SCN9A: variants seen among roughly 807,000 people sequenced by gnomAD.
The protein encoded by SCN9A is sodium voltage-gated channel alpha subunit 9, also known as sodium channel protein type 9 subunit alpha.
Under a neutral mutation model 187.0 loss-of-function variants are expected in SCN9A, and 131 were observed. The ratio of observed to expected loss-of-function variants is 0.70; its 90% CI spans 0.61 to 0.81. The LOEUF is 0.81. SCN9A is among the 30% of genes least tolerant of loss of function. SCN9A has a pLI of 0.00. For missense variants in SCN9A, 2,252 were observed against 2,396.6 expected (o/e 0.94, Z 1.26); for synonymous variants, 809 against 808.6 (o/e 1.00, Z -0.01).
At chr2:166,240,977 A>T (rs80058603) in intron 19 of SCN9A, among the ~76,000 whole-genome samples, 4,853 of 152,220 alleles carry the variant, frequency 0.032, 270 homozygotes, top group African/African-American at 0.11. Context: ...TAATGCCCCC[A>T]TGAGACCTGG....
At chr2:166,369,406 C>T (rs1700496804) in intron 1 of SCN9A, among the ~76,000 whole-genome samples, 2 of 152,150 alleles carry the variant, frequency 1.3e-5, no homozygotes, top group Admixed American at 1.3e-4. Context: ...TTGAAAGGCA[C>T]TTCTCTGCCT....
intron 24 of SCN9A, among the ~76,000 whole-genome samples, chr2:166,205,516 A>G (rs1439035783): frequency 6.6e-6 from 1 of 152,216 alleles, no homozygotes; most frequent in African/African-American, 2.4e-5. Flanking sequence ...TTAACTCAAG[A>G]TGGATTAAAG....
rs568157505 is a variant in SCN9A at position 166,236,045 on chromosome 2, C to G, written c.3801+2049G>C. Among the ~76,000 whole-genome samples, 5 of 151,886 alleles carry G rather than the reference C, an allele frequency of 3.3e-5. No homozygotes were observed. In the South Asian group the frequency reaches 1.0e-3, roughly 32 times the overall value. On this transcript the variant is annotated intron_variant, in intron 20 of 26. Transcript: ENST00000642356. ...TAATATTTTAAAGATTTTAAAATAT[C>G]TAAAATATTGTATAATTTTTTAAGA...
chr2:166,246,943 C>T (rs1487498079), intron 18 of SCN9A, among the ~76,000 whole-genome samples: 1 of 151,624 alleles, frequency 6.6e-6, no homozygotes, highest in Non-Finnish European at 1.5e-5. Context: ...AAGGTATATC[C>T]CAAGAGATTT....
intron 18 of SCN9A, among the ~76,000 whole-genome samples, chr2:166,248,469 C>A (rs567226124): frequency 6.6e-6 from 1 of 152,232 alleles, no homozygotes; most frequent in South Asian, 2.1e-4. Flanking sequence ...AGTCTAAGCT[C>A]CCATCACCTC....
chr2:166,356,229 AT>A (rs952947010), intron 1 of SCN9A, among the ~76,000 whole-genome samples: 10 of 151,884 alleles, frequency 6.6e-5, no homozygotes, highest in Non-Finnish European at 1.3e-4. Context: ...ACATTTTTTT[AT>A]TTAGATTTTT....
intron 24 of SCN9A, among the ~76,000 whole-genome samples, chr2:166,216,822 A>G (rs1694349289): frequency 6.6e-6 from 1 of 152,054 alleles, no homozygotes; most frequent in Non-Finnish European, 1.5e-5. Flanking sequence ...AAAATAATCT[A>G]CAGATTCAAT....
intron 1 of SCN9A, among the ~76,000 whole-genome samples, chr2:166,352,059 A>G (rs1203861369): frequency 1.3e-5 from 2 of 152,162 alleles, no homozygotes; most frequent in African/African-American, 4.8e-5. Context: ...TACAATGTTA[A>G]AATAGTACTT....
At position 166,198,706 on chromosome 2, in the gene SCN9A, TCTTC is replaced by T. The variant is rs1484172939; in HGVS notation, c.5929_5932del (p.Glu1977ThrfsTer30). Reference sequence around the variant, plus strand: ...GCTTTCCTTGCTGTCTTTCCCTTTGTCTTCCTTTTCTGTTCTGTCTTGTTCATAT... The same window carrying T: ...GCTTTCCTTGCTGTCTTTCCCTTTGTCTTTTCTGTTCTGTCTTGTTCATAT... On this transcript the variant is annotated frameshift_variant, in exon 27 of 27. Coordinates refer to ENST00000642356, the MANE Select transcript of SCN9A (RefSeq NM_001365536.1). LOFTEE classifies it high-confidence loss of function. 6.2e-7 allele frequency: 1 copy of T among 1,607,126 alleles called. No homozygotes were observed. The highest frequency in any genetic ancestry group is 1.7e-5 in the Admixed American group (1 of 58,962).
chr2:166,374,840 T>A (rs570379112), intron 1 of SCN9A, among the ~76,000 whole-genome samples: 15 of 152,206 alleles, frequency 9.9e-5, no homozygotes, highest in African/African-American at 3.6e-4. Flanking sequence ...TGACACTAGC[T>A]TCTTAAAAAC....
intron 24 of SCN9A, among the ~76,000 whole-genome samples, chr2:166,209,043 G>C (rs1437588592): frequency 2.0e-5 from 3 of 152,190 alleles, no homozygotes; most frequent in Non-Finnish European, 2.9e-5. Context: ...GAACCAGTAT[G>C]ATTAGAACAA....
At chr2:166,264,546 G>A (rs1157840478) in intron 17 of SCN9A, among the ~76,000 whole-genome samples, 3 of 151,910 alleles carry the variant, frequency 2.0e-5, no homozygotes, top group Non-Finnish European at 4.4e-5. Flanking sequence ...TGACTAAACC[G>A]TTTGTTTTAA....
chr2:166,350,278 C>A (rs1700003952), intron 1 of SCN9A, among the ~76,000 whole-genome samples: 1 of 152,142 alleles, frequency 6.6e-6, no homozygotes, highest in Admixed American at 6.5e-5. Flanking sequence ...TGGGGATGCC[C>A]CTCCAGGAAT....
chr2:166,245,069 C>A (rs1251617635), intron 18 of SCN9A, among the ~76,000 whole-genome samples: 3 of 151,992 alleles, frequency 2.0e-5, no homozygotes, highest in African/African-American at 7.2e-5. Flanking sequence ...AAAGTTCTGA[C>A]ATATAGCTTC....
chr2:166,321,950 G>T (rs965760528), intron 1 of SCN9A, among the ~76,000 whole-genome samples: 3 of 151,948 alleles, frequency 2.0e-5, no homozygotes, highest in Non-Finnish European at 4.4e-5. Flanking sequence ...CAAGCAATAA[G>T]CAAGAAGAAG....
chr2:166,230,318 GAA>G (rs959623225), intron 21 of SCN9A, among the ~76,000 whole-genome samples: 1 of 152,092 alleles, frequency 6.6e-6, no homozygotes, highest in Non-Finnish European at 1.5e-5. Context: ...TGTCTTTCCG[GAA>G]AGACAATTCT....
intron 1 of SCN9A, among the ~76,000 whole-genome samples, chr2:166,364,969 G>T (rs1378659634): frequency 6.6e-6 from 1 of 152,022 alleles, no homozygotes; most frequent in African/African-American, 2.4e-5. Context: ...TGTCTCCTTG[G>T]TATCTGTTTT....
In SCN9A at chr2:166,251,765, C is replaced by T. The variant is rs1161874665; in HGVS notation, c.3472G>A (p.Gly1158Ser). The change falls in exon 18 of 27, where the codon GGT becomes AGT. Residue 1158 changes from glycine to serine, a missense_variant and splice_region_variant. Gly to Ser is a moderately conservative substitution (Grantham distance 56, BLOSUM62 0). Around this residue, in one of 7 missense-constraint regions of SCN9A, gnomAD observed 313 missense variants for 295.3 expected, o/e 1.06. Transcript: ENST00000642356. ...SDEPEACFTD[G>S]CVWRFSCCQV... ...ACCAAGGTCTCAATTTTTGTCTTAC[C>T]ATCTGTGAAACAGGCCTCTGGCTCA... is the stretch of plus-strand genomic sequence containing the variant. 1.2e-6 allele frequency: 2 copies of T among 1,612,400 alleles called. No individual in the cohort carries two copies. The highest frequency in any genetic ancestry group is 1.7e-6 in the Non-Finnish European group (2 of 1,178,914).
intron 13 of SCN9A, 57 bp downstream of exon 13, chr2:166,281,622 C>A: frequency 2.0e-6 from 3 of 1,523,028 alleles, no homozygotes; most frequent in Non-Finnish European, 2.7e-6. Flanking sequence ...TAAGGTTGAC[C>A]AGATTTATGT....
Sources: gnomAD v4.1 joint callset for allele counts (sites outside exome capture counted in the v4.1 genomes callset) on GRCh38, gnomAD v4.1.1 for gene constraint, gnomAD v4.1.1 regional missense constraint, MANE v1.5 for transcripts, NCBI Gene and HGNC (gene_info 2026-07-23, HGNC 2026-07-21) for gene names.